Variants in UBAP1 observed in about 807,000 individuals in gnomAD.
UBAP1 encodes the protein ubiquitin associated protein 1.
A neutral mutation model predicts 39.0 loss-of-function variants in UBAP1; 5 were observed. The observed-to-expected ratio is 0.13, with a 90% confidence interval of 0.07 to 0.27. The LOEUF (loss-of-function observed/expected upper bound fraction) is 0.27, where lower values mean the gene tolerates loss of function less well. UBAP1 is among the 10% of genes least tolerant of loss of function. The pLI is 1.00. For synonymous variants in UBAP1, 211 were observed against 225.1 expected, an observed-to-expected ratio of 0.94 and a Z score of 0.56; for missense variants, 490 against 608.1, an observed-to-expected ratio of 0.81 and a Z score of 2.04.
intron 5 of UBAP1, among the ~76,000 whole-genome samples, 170 bp from the exon 6 acceptor site, chr9:34,250,488 C>A (rs1834426047): frequency 6.6e-6 from 1 of 152,202 alleles, no homozygotes; most frequent in African/African-American, 2.4e-5. Flanking sequence ...TAAAGAGTCA[C>A]TGGGGTCCTG....
At chr9:34,197,425 A>C (rs1831131080) in intron 1 of UBAP1, among the ~76,000 whole-genome samples, 1 of 152,126 alleles carries the variant, frequency 6.6e-6, no homozygotes, top group African/African-American at 2.4e-5. Flanking sequence ...TACAAGTGAG[A>C]GCCACTGCAC....
intron 2 of UBAP1, among the ~76,000 whole-genome samples, chr9:34,223,585 C>T (rs1832877587): frequency 6.6e-6 from 1 of 152,146 alleles, no homozygotes; most frequent in Non-Finnish European, 1.5e-5. Flanking sequence ...TCCCGAGTAG[C>T]TGGGACTACA....
intron 3 of UBAP1, among the ~76,000 whole-genome samples, chr9:34,237,558 TAAA>T (rs869302355): frequency 6.6e-6 from 1 of 151,656 alleles, no homozygotes; most frequent in Non-Finnish European, 1.5e-5. Flanking sequence ...TACCTTTTTT[TAAA>T]AAAAAACTTT....
intron 1 of UBAP1, among the ~76,000 whole-genome samples, chr9:34,181,025 G>A (rs1249269993): frequency 6.6e-6 from 1 of 151,430 alleles, no homozygotes; most frequent in African/African-American, 2.4e-5. Context: ...GGTCAGGCTG[G>A]TCTCGAACTT....
rs1336306118 is a variant in UBAP1 at position 34,251,577 on chromosome 9, G to A, written c.*45G>A. ...CCTGCCGCAGAACCACCATCCCTGG[G>A]AGGCCCTGCAGAGCCCACCTGTGGG... is the stretch of plus-strand genomic sequence containing the variant. On this transcript the variant is annotated 3_prime_UTR_variant, in exon 7 of 7. Transcript: ENST00000297661. 3 of 1,603,084 alleles carry A rather than the reference G, an allele frequency of 1.9e-6. No individual in the cohort carries two copies. The South Asian group carries it at 3.3e-5, about 18-fold the overall frequency.
chr9:34,198,157 C>T (rs917988060), intron 1 of UBAP1, among the ~76,000 whole-genome samples: 3 of 152,130 alleles, frequency 2.0e-5, no homozygotes, highest in Non-Finnish European at 4.4e-5. Context: ...GGCTGGGCTC[C>T]ATGTTTAGGC....
At chr9:34,190,253 A>G (rs545303357) in intron 1 of UBAP1, among the ~76,000 whole-genome samples, 7 of 151,970 alleles carry the variant, frequency 4.6e-5, no homozygotes, top group Non-Finnish European at 7.4e-5. Context: ...GTCGTGTCCT[A>G]TCCGTTTTCT....
At chr9:34,184,926 C>CTTTTTTTT (rs35634769) in intron 1 of UBAP1, among the ~76,000 whole-genome samples, 4 of 105,028 alleles carry the variant, frequency 3.8e-5, no homozygotes, top group Non-Finnish European at 5.9e-5. Flanking sequence ...CCAGCCAATC[C>CTTTTTTTT]TTTTTTTTTT....
intron 1 of UBAP1, among the ~76,000 whole-genome samples, chr9:34,195,932 T>TTTTTTTG (rs1831020188): frequency 2.2e-5 from 1 of 46,230 alleles, no homozygotes; most frequent in African/African-American, 7.0e-5. Flanking sequence ...TTTTGGTTTT[T>TTTTTTTG]TTTTTTTTTT....
At chr9:34,202,403 A>T (rs1357905299) in intron 1 of UBAP1, among the ~76,000 whole-genome samples, 2 of 151,986 alleles carry the variant, frequency 1.3e-5, no homozygotes, top group Non-Finnish European at 2.9e-5. Flanking sequence ...AAATGCTGGG[A>T]TTGTAGGAGT....
rs1834605014 is a variant in UBAP1 at position 34,252,337 on chromosome 9, A to G, written c.*805A>G. ...CCTTGAACAGCTTCCCCTCCAGCCC[A>G]CTGCTTTAGGATGACACAATGAATA... is the stretch of plus-strand genomic sequence containing the variant. On this transcript the variant is annotated 3_prime_UTR_variant, in exon 7 of 7. Transcript: ENST00000297661. 1 of 152,620 alleles carries G rather than the reference A, an allele frequency of 6.6e-6. No individual in the cohort carries two copies. The highest frequency in any genetic ancestry group is 1.5e-5 in the Non-Finnish European group (1 of 68,054). 9.5% of individuals were successfully genotyped at this position (152,620 alleles called of 1,614,324 possible).
chr9:34,179,252 C>G lies in UBAP1; in HGVS notation c.-8+12C>G. The G allele has an allele frequency of 1.9e-6, 2 of 1,067,786 alleles. No homozygotes were observed. Among genetic ancestry groups the G allele is most frequent in the Non-Finnish European group, 2.3e-6 (2 of 886,432 alleles). The allele number at this position is 1,067,786 out of a possible 1,614,324, so 66.1% of individuals were successfully genotyped here. Reference sequence around the variant, plus strand: ...GCAGCGGCATTCAGGTGAGGGGGGCCTCCCTCTGGGGGAGGGGGAAGAGGG... The same window carrying G: ...GCAGCGGCATTCAGGTGAGGGGGGCGTCCCTCTGGGGGAGGGGGAAGAGGG... On this transcript the variant is annotated intron_variant, in intron 1 of 6. Transcript: ENST00000297661.
At chr9:34,244,136 C>T (rs983985431) in intron 4 of UBAP1, among the ~76,000 whole-genome samples, 4 of 152,146 alleles carry the variant, frequency 2.6e-5, no homozygotes, top group East Asian at 1.9e-4. Flanking sequence ...TGTGAGTCAC[C>T]GCACACAGCC....
chr9:34,246,151 C>T (rs1040585416), intron 4 of UBAP1, among the ~76,000 whole-genome samples: 1 of 152,126 alleles, frequency 6.6e-6, no homozygotes, highest in African/African-American at 2.4e-5. Context: ...ACTGCAGCCT[C>T]GACCTCCTGG....
At position 34,252,299 on chromosome 9, in the gene UBAP1, C is replaced by A. The variant is rs1393977575; in HGVS notation, c.*767C>A. 4 of 152,620 alleles carry A rather than the reference C, an allele frequency of 2.6e-5. No homozygotes were observed. The highest frequency in any genetic ancestry group is 9.7e-5 in the African/African-American group (4 of 41,444). The allele number at this position is 152,620 out of a possible 1,614,324, so 9.5% of individuals were successfully genotyped here. On this transcript the variant is annotated 3_prime_UTR_variant, in exon 7 of 7. Transcript: ENST00000297661. ...ATGATTTAGTTGGCCAGCACTAACT[C>A]CACCTCTGTTCTCCTTGAACAGCTT...
rs1829874203 is a variant in UBAP1, at chr9:34,179,115, A to C, written c.-133A>C. ...GGTGACGGCCTGGCCCGGAGCGGGC[A>C]GAGTTGGAGGTGGTGGCGTTCGCTC... On this transcript the variant is annotated 5_prime_UTR_variant, in exon 1 of 7. Transcript: ENST00000297661. 2.4e-6 allele frequency: 3 copies of C among 1,275,476 alleles called. No individual in the cohort carries two copies. The highest frequency in any genetic ancestry group is 3.0e-6 in the Non-Finnish European group (3 of 1,008,926). 79.0% of individuals were successfully genotyped at this position (1,275,476 alleles called of 1,614,324 possible).
At position 34,252,503 on chromosome 9, in the gene UBAP1, C is replaced by CTAAT. The variant is rs1834628426; in HGVS notation, c.*972_*975dup. 1 of 152,488 alleles carries CTAAT rather than the reference C, an allele frequency of 6.6e-6. No individual in the cohort carries two copies. The highest frequency in any genetic ancestry group is 2.1e-4 in the South Asian group (1 of 4,828). The allele number at this position is 152,488 out of a possible 1,614,324, so 9.4% of individuals were successfully genotyped here. A position where few individuals can be genotyped will look rare whatever the true frequency, so the allele number is the denominator to read the frequency against. ...TATTTTGATTCTTCAGAGAGAACTACTAATAAAAATCTAAAAGGTATGTCT... is the reference window on the plus strand; with the variant it reads ...TATTTTGATTCTTCAGAGAGAACTACTAATTAATAAAAATCTAAAAGGTATGTCT... On this transcript the variant is annotated 3_prime_UTR_variant, in exon 7 of 7. Transcript: ENST00000297661.
At chr9:34,191,445 A>G (rs1830714940) in intron 1 of UBAP1, 1 of 152,234 alleles carries the variant, frequency 6.6e-6, no homozygotes, top group Non-Finnish European at 1.5e-5. Context: ...TGATATTGTA[A>G]TGGCAGAACT....
chr9:34,242,857 AAG>A (rs1834030686), intron 4 of UBAP1, among the ~76,000 whole-genome samples: 1 of 152,148 alleles, frequency 6.6e-6, no homozygotes, highest in Non-Finnish European at 1.5e-5. Flanking sequence ...AAAGCACATC[AAG>A]AGACTATTTA....
Sources: allele counts gnomAD v4.1 joint callset (sites outside exome capture counted in the v4.1 genomes callset), GRCh38; gene constraint gnomAD v4.1.1; transcripts MANE v1.5; gene names NCBI Gene and HGNC (gene_info 2026-07-23, HGNC 2026-07-21).